UBAP2L: variants seen among roughly 807,000 people sequenced by gnomAD.
UBAP2L encodes ubiquitin associated protein 2 like.
Under a neutral mutation model 130.6 loss-of-function variants are expected in UBAP2L, and 12 were observed. That is an observed-to-expected ratio of 0.09 (90% confidence interval 0.06 to 0.15). UBAP2L has a LOEUF of 0.15. Among genes scored for constraint, UBAP2L ranks in the 10% least tolerant of loss-of-function variants. The pLI is 1.00. For missense variants in UBAP2L, 965 were observed against 1,332.5 expected (o/e 0.72, Z 4.29); for synonymous variants, 503 against 524.7 (o/e 0.96, Z 0.57).
At chr1:154,231,013 C>T (rs1290057348) in intron 4 of UBAP2L, among the ~76,000 whole-genome samples, 1 of 152,156 alleles carries the variant, frequency 6.6e-6, no homozygotes, top group Non-Finnish European at 1.5e-5. Context: ...GTATATTTAG[C>T]TACAGGGTTG....
chr1:154,233,677 G>GTGTC (rs1553262314), intron 4 of UBAP2L, among the ~76,000 whole-genome samples: 26 of 151,056 alleles, frequency 1.7e-4, no homozygotes, highest in Middle Eastern at 3.4e-3. Context: ...GTGTGTGTGT[G>GTGTC]TCTGTAGGTA....
rs373050667 is a variant in UBAP2L, at chr1:154,270,685, AAAC to A, written c.*405_*407del. ...TAAGTCTCCTTCTTTATTATTAGGA[AAAC>A]AACAACAACAACAAACAAAAAAATG... On this transcript the variant is annotated 3_prime_UTR_variant, in exon 27 of 27. Coordinates refer to ENST00000428931, the MANE Select transcript of UBAP2L (RefSeq NM_014847.4). 5.7e-4 allele frequency: 811 copies of A among 1,412,576 alleles called. 3 individuals are homozygous for A. In the African/African-American group the frequency reaches 8.7e-3, roughly 15 times the overall value. The allele number at this position is 1,412,576 out of a possible 1,614,324, so 87.5% of individuals were successfully genotyped here. A position where few individuals can be genotyped will look rare whatever the true frequency, so the allele number is the denominator to read the frequency against.
chr1:154,246,810 A>C (rs1022739418), intron 11 of UBAP2L, among the ~76,000 whole-genome samples: 2 of 152,322 alleles, frequency 1.3e-5, no homozygotes, highest in Admixed American at 1.3e-4. Flanking sequence ...GGCCTCCAGA[A>C]ACCTATGGTC....
intron 24 of UBAP2L, chr1:154,263,392 G>A: frequency 2.3e-6 from 3 of 1,306,250 alleles, no homozygotes; most frequent in African/African-American, 1.5e-5. Context: ...CAGCACCTTC[G>A]AAGCATCAAT....
chr1:154,241,732 A>G (rs1673692266), intron 9 of UBAP2L, 167 bp downstream of exon 9: 1 of 985,442 alleles, frequency 1.0e-6, no homozygotes, highest in Non-Finnish European at 1.2e-6. Flanking sequence ...CATATGTTAT[A>G]TGAAGGAGAC....
chr1:154,265,834 T>C (rs1323029826), intron 24 of UBAP2L, among the ~76,000 whole-genome samples: 1 of 152,228 alleles, frequency 6.6e-6, no homozygotes, highest in Non-Finnish European at 1.5e-5. Flanking sequence ...GGCCTACTCC[T>C]GTCTACCTAT....
chr1:154,238,627 G>A (rs1458170531), intron 8 of UBAP2L, among the ~76,000 whole-genome samples: 5 of 152,190 alleles, frequency 3.3e-5, no homozygotes, highest in East Asian at 1.9e-4. Flanking sequence ...AGATGTGCAA[G>A]GCTGGAATTG....
chr1:154,263,363 A>C (rs959480732), intron 24 of UBAP2L: 1 of 1,379,092 alleles, frequency 7.3e-7, no homozygotes, highest in South Asian at 1.8e-5. Flanking sequence ...TGTCTTACCC[A>C]TTTCAAGTTC....
chr1:154,254,917 C>T (rs1679106634), intron 16 of UBAP2L, 27 bp downstream of exon 16: 4 of 1,586,194 alleles, frequency 2.5e-6, no homozygotes, highest in South Asian at 1.2e-5. Context: ...CTTTTCCCCT[C>T]CTAAGTTTCT....
rs929597314 is a variant in UBAP2L, at chr1:154,241,624, A to T, written c.756+59A>T. ...TTCTATCCCTAAGTGTTGTTTAGGGATAGAAAATGGGTATGTTTCTACCCC... is the reference window on the plus strand; with the variant it reads ...TTCTATCCCTAAGTGTTGTTTAGGGTTAGAAAATGGGTATGTTTCTACCCC... On this transcript the variant is annotated intron_variant, in intron 9 of 26. Transcript: ENST00000428931. The T allele has an allele frequency of 4.2e-5, 68 of 1,604,130 alleles. No individual in the cohort carries two copies. The Middle Eastern group carries it at 9.9e-4, about 23-fold the overall frequency.
At position 154,234,702 on chromosome 1, in the gene UBAP2L, A is replaced by G. The variant is rs913817975; in HGVS notation, c.391A>G (p.Ser131Gly). 1 of 1,613,212 alleles carries G rather than the reference A, an allele frequency of 6.2e-7. No homozygotes were observed. The highest frequency in any genetic ancestry group is 1.3e-5 in the African/African-American group (1 of 74,916). The part of the protein sequence containing the change: ...KENRDRDRDY[S>G]RRRGGPPRRG... ...AAATCGAGACCGGGACAGAGACTAT[A>G]GTCGGCGACGTGGTGGGCCACCAAG... The change falls in exon 5 of 27, where the codon AGT becomes GGT. Residue 131 changes from serine to glycine, a missense_variant. Ser to Gly is a moderately conservative substitution (Grantham distance 56). This residue lies in a region of UBAP2L where 109 missense variants were observed against 146.6 expected (regional missense o/e 0.74). Transcript: ENST00000428931.
chr1:154,227,902 C>A (rs1030298360), intron 3 of UBAP2L, among the ~76,000 whole-genome samples: 1 of 152,024 alleles, frequency 6.6e-6, no homozygotes, highest in African/African-American at 2.4e-5. Context: ...TAATTTTAAC[C>A]TCTTGCCTGT....
In UBAP2L at chr1:154,244,689, G is replaced by A. The variant is rs567560776; in HGVS notation, c.842+1387G>A. On this transcript the variant is annotated intron_variant, in intron 10 of 26. Coordinates refer to ENST00000428931, the MANE Select transcript of UBAP2L (RefSeq NM_014847.4). Reference sequence around the variant, plus strand: ...TGGTTTATTATAAAGGTACAACTCAGCAACAGCTAAACGGAAGAAATGAGT... The same window carrying A: ...TGGTTTATTATAAAGGTACAACTCAACAACAGCTAAACGGAAGAAATGAGT... Among the ~76,000 whole-genome samples the A allele has an allele frequency of 5.9e-5, 9 of 152,198 alleles. No individual in the cohort carries two copies. In the East Asian group the frequency reaches 1.4e-3, roughly 23 times the overall value.
intron 22 of UBAP2L, 42 bp from the exon 23 acceptor site, chr1:154,260,850 T>C: frequency 1.3e-6 from 2 of 1,583,446 alleles, no homozygotes; most frequent in Non-Finnish European, 1.7e-6. Flanking sequence ...GTATTGGTAT[T>C]GGGGTGAAAG....
chr1:154,259,622 G>A (rs554969010), intron 21 of UBAP2L: 156 of 361,532 alleles, frequency 4.3e-4, no homozygotes, highest in African/African-American at 2.7e-3. Context: ...TTAAATTATC[G>A]AATGATCTGT....
At chr1:154,255,859 G>A in intron 18 of UBAP2L, 104 bp downstream of exon 18, 1 of 1,377,898 alleles carries the variant, frequency 7.3e-7, no homozygotes, top group Non-Finnish European at 1.0e-6. Flanking sequence ...TCATGAGGTG[G>A]CAAAATAATT....
intron 1 of UBAP2L, chr1:154,221,454 C>T (rs896348155): frequency 6.5e-6 from 1 of 152,932 alleles, no homozygotes; most frequent in South Asian, 2.1e-4. Context: ...TCCTCCCTTT[C>T]CACCCACTGC....
intron 11 of UBAP2L, among the ~76,000 whole-genome samples, chr1:154,247,047 C>T (rs1437541279): frequency 6.6e-6 from 1 of 152,224 alleles, no homozygotes; most frequent in Non-Finnish European, 1.5e-5. Context: ...AAAGATGCTA[C>T]AAGTACCAGT....
At chr1:154,254,579 T>C in intron 15 of UBAP2L, 1 of 551,682 alleles carries the variant, frequency 1.8e-6, no homozygotes. Flanking sequence ...GTTTGGGGTG[T>C]CTTCAACAAT....
Sources: gnomAD v4.1 joint callset for allele counts (sites outside exome capture counted in the v4.1 genomes callset) on GRCh38, gnomAD v4.1.1 for gene constraint, gnomAD v4.1.1 regional missense constraint, MANE v1.5 for transcripts, NCBI Gene and HGNC (gene_info 2026-07-23, HGNC 2026-07-21) for gene names.